Variants in GRK3 observed in about 807,000 individuals in gnomAD.
The protein encoded by GRK3 is G protein-coupled receptor kinase 3.
GRK3 carries 54 observed loss-of-function variants against 95.7 expected under a neutral mutation model. That is an observed-to-expected ratio of 0.56 (90% CI 0.45 to 0.71). The LOEUF is 0.71. GRK3 is among the 30% of genes least tolerant of loss of function. The pLI is 0.00. For missense variants in GRK3, 649 were observed against 851.2 expected (o/e 0.76, Z 2.96); for synonymous variants, 281 against 290.8 (o/e 0.97, Z 0.34).
intron 13 of GRK3, among the ~76,000 whole-genome samples, chr22:25,698,139 G>GAGGA (rs112802345): frequency 4.1e-5 from 6 of 147,374 alleles, no homozygotes; most frequent in Non-Finnish European, 9.0e-5. Context: ...GAAGGAGAGG[G>GAGGA]AGGAAGGAAG....
At chr22:25,650,066 A>G (rs1487527155) in intron 3 of GRK3, among the ~76,000 whole-genome samples, 2 of 151,030 alleles carry the variant, frequency 1.3e-5, no homozygotes, top group Admixed American at 6.6e-5. Context: ...ATCCTGGTTC[A>G]CTGCAACCTC....
chr22:25,675,387 C>A (rs936782161), intron 8 of GRK3, among the ~76,000 whole-genome samples: 2 of 152,146 alleles, frequency 1.3e-5, no homozygotes, highest in Non-Finnish European at 2.9e-5. Context: ...CATTCAGAAA[C>A]TAACTGCATC....
At chr22:25,704,599 C>T (rs373986772) in intron 15 of GRK3, among the ~76,000 whole-genome samples, 34 of 152,146 alleles carry the variant, frequency 2.2e-4, no homozygotes, top group African/African-American at 5.8e-4. Context: ...TTAGTAGAGA[C>T]GGGGTTTTCC....
chr22:25,692,960 G>A (rs1160766646), intron 12 of GRK3, among the ~76,000 whole-genome samples: 3 of 152,192 alleles, frequency 2.0e-5, no homozygotes, highest in Admixed American at 1.3e-4. Flanking sequence ...TTCTTCCAGC[G>A]GCTGGCCCAT....
In GRK3 at chr22:25,685,986, C is replaced by T. The variant is rs542342281; in HGVS notation, c.826+738C>T. Among the ~76,000 whole-genome samples the T allele has an allele frequency of 7.7e-4, 117 of 151,388 alleles. 1 individual carries two copies. Among genetic ancestry groups the T allele is most frequent in the South Asian group, 4.8e-3 (23 of 4,790 alleles). On this transcript the variant is annotated intron_variant, in intron 10 of 20. Coordinates refer to ENST00000324198, the MANE Select transcript of GRK3 (RefSeq NM_005160.4). ...CTGTAATCCCAGCACTTTGGGAGAC[C>T]GAGGCGGGCGGATCAATGAGGTCAG...
At chr22:25,700,434 G>A (rs953766173) in intron 13 of GRK3, among the ~76,000 whole-genome samples, 1 of 152,194 alleles carries the variant, frequency 6.6e-6, no homozygotes, top group Non-Finnish European at 1.5e-5. Context: ...TCAGACATGA[G>A]GGAGAGCCTG....
chr22:25,676,359 G>A (rs1376731338), intron 8 of GRK3, among the ~76,000 whole-genome samples: 3 of 152,110 alleles, frequency 2.0e-5, no homozygotes, highest in Non-Finnish European at 4.4e-5. Context: ...CTTCATAATT[G>A]TATTTAGAAT....
chr22:25,693,859 AACCTCT>A (rs1359931091), intron 12 of GRK3, among the ~76,000 whole-genome samples: 2 of 146,926 alleles, frequency 1.4e-5, no homozygotes, highest in Non-Finnish European at 3.0e-5. Context: ...AGCTCACCAT[AACCTCT>A]GCCTCTGCCT....
At chr22:25,626,521 C>G (rs1569169523) in intron 2 of GRK3, among the ~76,000 whole-genome samples, 1 of 152,180 alleles carries the variant, frequency 6.6e-6, no homozygotes, top group African/African-American at 2.4e-5. Flanking sequence ...GGGTGTTACT[C>G]CCTTTAAAAC....
Position 25,723,618 on chromosome 22 carries a change from A to T in GRK3, c.*1168A>T, listed in dbSNP as rs1244722566. On this transcript the variant is annotated 3_prime_UTR_variant, in exon 21 of 21. Transcript: ENST00000324198. ...TTTTCTCCCACTGCCTCCAGGCCCC[A>T]CTGATACCCCCAAATAGATGCTGGG... The T allele has an allele frequency of 6.6e-6, 1 of 152,084 alleles. No homozygotes were observed. Among genetic ancestry groups the T allele is most frequent in the African/African-American group, 2.4e-5 (1 of 41,406 alleles). 9.4% of individuals were successfully genotyped at this position (152,084 alleles called of 1,614,324 possible). A position where few individuals can be genotyped will look rare whatever the true frequency, so the allele number is the denominator to read the frequency against.
intron 1 of GRK3, among the ~76,000 whole-genome samples, chr22:25,572,040 A>G (rs1255483374): frequency 2.1e-5 from 3 of 140,068 alleles, no homozygotes; most frequent in African/African-American, 8.2e-5. Flanking sequence ...CTGGTGTATG[A>G]TGTTCCCCAC....
Position 25,723,028 on chromosome 22 carries a change from C to A in GRK3, c.*578C>A, listed in dbSNP as rs1455969412. On this transcript the variant is annotated 3_prime_UTR_variant, in exon 21 of 21. Coordinates refer to ENST00000324198, the MANE Select transcript of GRK3 (RefSeq NM_005160.4). ...GAGCCGCACCCACATGACTGCCCTG[C>A]CTCTGACCAGTCTGTTCCGGGGCCC... The A allele has an allele frequency of 3.9e-5, 6 of 152,504 alleles. No individual in the cohort carries two copies. The highest frequency in any genetic ancestry group is 3.9e-4 in the Admixed American group (6 of 15,306). The allele number at this position is 152,504 out of a possible 1,614,324, so 9.4% of individuals were successfully genotyped here.
chr22:25,718,315 G>A lies in GRK3; in HGVS notation c.1725G>A (p.Gln575=). 6.2e-7 allele frequency: 1 copy of A among 1,614,134 alleles called. No homozygotes were observed. The stretch of plus-strand genomic sequence containing the variant: ...AACTGGGAAACCCATTTCTGACTCA[G>A]TGGCAGCGTCGCTATTTTTACCTCT... ...MLKLGNPFLT[Q]WQRRYFYLFP... is the part of the protein sequence containing the mutation. Residue 575 remains glutamine, a synonymous_variant, in exon 19 of 21, where the codon CAG becomes CAA. Transcript: ENST00000324198.
At chr22:25,569,172 T>C (rs1931596460) in intron 1 of GRK3, among the ~76,000 whole-genome samples, 1 of 152,230 alleles carries the variant, frequency 6.6e-6, no homozygotes, top group Non-Finnish European at 1.5e-5. Context: ...AAAGCACAAA[T>C]AGCCTTTAGA....
chr22:25,652,038 A>G (rs1453519810), intron 3 of GRK3, among the ~76,000 whole-genome samples: 1 of 152,250 alleles, frequency 6.6e-6, no homozygotes, highest in African/African-American at 2.4e-5. Context: ...TCATTAAAAA[A>G]TGAAGTGATA....
chr22:25,591,484 C>G (rs1932486911), intron 1 of GRK3, among the ~76,000 whole-genome samples: 1 of 152,040 alleles, frequency 6.6e-6, no homozygotes, highest in African/African-American at 2.4e-5. Flanking sequence ...AGTCTTAACC[C>G]TCTAGTCACA....
intron 19 of GRK3, among the ~76,000 whole-genome samples, chr22:25,719,671 GA>G (rs1737553095): frequency 7.3e-6 from 1 of 137,362 alleles, no homozygotes; most frequent in Non-Finnish European, 1.6e-5. Flanking sequence ...AACCCTGGTG[GA>G]AGGCATCTTT....
At chr22:25,617,849 T>A (rs2084551586) in intron 2 of GRK3, among the ~76,000 whole-genome samples, 1 of 152,210 alleles carries the variant, frequency 6.6e-6, no homozygotes, top group Non-Finnish European at 1.5e-5. Context: ...TGATCTCGGC[T>A]CCATGCAACC....
At chr22:25,656,321 A>T (rs2084870625) in intron 3 of GRK3, among the ~76,000 whole-genome samples, 1 of 152,130 alleles carries the variant, frequency 6.6e-6, no homozygotes, top group South Asian at 2.1e-4. Context: ...TTTATTTATT[A>T]TTTTTTAAAT....
Sources: gnomAD v4.1 joint callset for allele counts (sites outside exome capture counted in the v4.1 genomes callset) on GRCh38, gnomAD v4.1.1 for gene constraint, MANE v1.5 for transcripts, NCBI Gene and HGNC (gene_info 2026-07-23, HGNC 2026-07-21) for gene names.